DOCK1: variants seen among roughly 807,000 people sequenced by gnomAD.
The protein encoded by DOCK1 is dedicator of cytokinesis 1, also known as dedicator of cytokinesis protein 1.
Under a neutral mutation model 262.7 loss-of-function variants are expected in DOCK1, and 138 were observed. The ratio of observed to expected loss-of-function variants is 0.53; its 90% CI spans 0.46 to 0.61. The LOEUF is 0.61. Ranked by LOEUF, DOCK1 falls within the 20% of genes least tolerant of loss-of-function variation. The pLI, the probability that DOCK1 is intolerant of heterozygous loss-of-function variation, is 0.00. For synonymous variants in DOCK1, 866 were observed against 867.4 expected, an observed-to-expected ratio of 1.00 and a Z score of 0.03; for missense variants, 1,908 against 2,370.7, an observed-to-expected ratio of 0.80 and a Z score of 4.05.
chr10:127,228,075 C>G (rs889457424), intron 27 of DOCK1, among the ~76,000 whole-genome samples: 1 of 152,148 alleles, frequency 6.6e-6, no homozygotes, highest in African/African-American at 2.4e-5. Context: ...CTTATAATTG[C>G]TATTTGTTAA....
intron 21 of DOCK1, among the ~76,000 whole-genome samples, chr10:127,044,701 T>C (rs1262087551): frequency 6.6e-6 from 1 of 152,130 alleles, no homozygotes; most frequent in East Asian, 1.9e-4. Context: ...TTTCAGAAGA[T>C]GAGAGGCATG....
chr10:127,127,930 G>T, intron 27 of DOCK1, 166 bp downstream of exon 27: 1 of 469,038 alleles, frequency 2.1e-6, no homozygotes. Flanking sequence ...AAGTTGAAGG[G>T]TAAGCAAACC....
At chr10:127,186,899 G>T (rs2056325625) in intron 27 of DOCK1, among the ~76,000 whole-genome samples, 1 of 152,132 alleles carries the variant, frequency 6.6e-6, no homozygotes, top group Admixed American at 6.5e-5. Context: ...GGGGATGTGT[G>T]CTGGAACATA....
At chr10:126,916,111 C>T (rs1191719536) in intron 1 of DOCK1, among the ~76,000 whole-genome samples, 1 of 152,126 alleles carries the variant, frequency 6.6e-6, no homozygotes, top group Non-Finnish European at 1.5e-5. Flanking sequence ...TTCCTGGGTA[C>T]AGCACTTAAC....
At chr10:127,266,533 A>G (rs1295837997) in intron 29 of DOCK1, among the ~76,000 whole-genome samples, 1 of 151,678 alleles carries the variant, frequency 6.6e-6, no homozygotes, top group African/African-American at 2.4e-5. Flanking sequence ...CTGACTATAC[A>G]TTTTGCTTTG....
intron 23 of DOCK1, among the ~76,000 whole-genome samples, chr10:127,102,942 C>T (rs929105020): frequency 8.5e-5 from 13 of 152,224 alleles, no homozygotes; most frequent in African/African-American, 3.1e-4. Flanking sequence ...ACGGGAGGGC[C>T]CCTGAGCCCC....
intron 27 of DOCK1, among the ~76,000 whole-genome samples, chr10:127,170,916 A>G (rs1052926193): frequency 1.2e-4 from 18 of 152,204 alleles, no homozygotes; most frequent in African/African-American, 4.3e-4. Flanking sequence ...ATTTTAGTGA[A>G]TTGCCCCAGT....
In DOCK1 at chr10:127,012,832, T is replaced by C. The variant is rs74161522; in HGVS notation, c.1201+458T>C. ...TTTTAATCCTGCACTGACACGTTTC[T>C]GAGCAGCTGACCTGCTGCTGGCAGA... On this transcript the variant is annotated intron_variant, in intron 12 of 51. Transcript: ENST00000623213. The surrounding 1 kb of genome is among the most constrained non-coding windows in gnomAD (Gnocchi z 4.0). 0.047 allele frequency among the ~76,000 whole-genome samples: 7,194 copies of C among 152,280 alleles called. 568 individuals carry two copies. Among genetic ancestry groups the C allele is most frequent in the African/African-American group, 0.16 (6,688 of 41,536 alleles).
chr10:127,268,838 A>C (rs566887900), intron 29 of DOCK1, among the ~76,000 whole-genome samples: 7 of 152,116 alleles, frequency 4.6e-5, no homozygotes, highest in Non-Finnish European at 8.8e-5. Flanking sequence ...ATGAATGTAC[A>C]TGCCAGGGCT....
chr10:127,426,595 A>G (rs1242448167), intron 47 of DOCK1, among the ~76,000 whole-genome samples: 1 of 152,194 alleles, frequency 6.6e-6, no homozygotes, highest in East Asian at 1.9e-4. Context: ...TCAAGAAGAC[A>G]CTGCCTGGGG....
intron 10 of DOCK1, 169 bp downstream of exon 10, chr10:127,000,476 C>A: frequency 9.7e-7 from 1 of 1,026,872 alleles, no homozygotes; most frequent in Non-Finnish European, 1.4e-6. Flanking sequence ...TCAAGTTGAC[C>A]TGCTAGGCTC....
intron 1 of DOCK1, among the ~76,000 whole-genome samples, chr10:126,948,124 G>GGTA (rs2035717074): frequency 1.6e-5 from 1 of 61,612 alleles, no homozygotes; most frequent in Non-Finnish European, 3.4e-5. Context: ...TGATGGTGGT[G>GGTA]GTTGGTAGTA....
rs1265876073 is a variant in DOCK1, at chr10:127,384,717, G to A, written c.3808-73G>A. ...ACCGCGGCCCACACGCGTGTCCGAT[G>A]CGAAGCTCACACCATTCTGACGTCC... On this transcript the variant is annotated intron_variant, in intron 37 of 51. Coordinates refer to ENST00000623213, the MANE Select transcript of DOCK1 (RefSeq NM_001290223.2). The A allele has an allele frequency of 7.6e-6, 11 of 1,453,128 alleles. No individual in the cohort carries two copies. The African/African-American group carries it at 1.1e-4, about 15-fold the overall frequency. The allele number at this position is 1,453,128 out of a possible 1,614,324, so 90.0% of individuals were successfully genotyped here. A position where few individuals can be genotyped will look rare whatever the true frequency, so the allele number is the denominator to read the frequency against.
intron 27 of DOCK1, among the ~76,000 whole-genome samples, chr10:127,133,540 G>A (rs1403104163): frequency 6.6e-6 from 1 of 152,084 alleles, no homozygotes; most frequent in Non-Finnish European, 1.5e-5. Context: ...TTTCTTTGGG[G>A]CAGCTACAGC....
intron 27 of DOCK1, among the ~76,000 whole-genome samples, chr10:127,159,469 C>G (rs551809143): frequency 3.0e-4 from 46 of 152,186 alleles, no homozygotes; most frequent in Non-Finnish European, 5.7e-4. Context: ...TACTTGTATA[C>G]TTACAAGTAT....
At chr10:127,200,308 A>C (rs576679211) in intron 27 of DOCK1, among the ~76,000 whole-genome samples, 1 of 152,360 alleles carries the variant, frequency 6.6e-6, no homozygotes, top group East Asian at 1.9e-4. Context: ...CGTCCAGCCT[A>C]GGTACAATAC....
At chr10:127,433,933 AG>A (rs1181757079) in intron 48 of DOCK1, among the ~76,000 whole-genome samples, 2 of 151,986 alleles carry the variant, frequency 1.3e-5, no homozygotes, top group African/African-American at 4.8e-5. Flanking sequence ...GGCTCAGGGA[AG>A]CCAAAAGATT....
chr10:126,955,651 C>T (rs1455981773), intron 1 of DOCK1, among the ~76,000 whole-genome samples: 1 of 152,086 alleles, frequency 6.6e-6, no homozygotes, highest in African/African-American at 2.4e-5. Context: ...GGCAGAGTAG[C>T]TCTGTGTGCA....
At chr10:127,027,323 C>T (rs953021554) in intron 16 of DOCK1, among the ~76,000 whole-genome samples, 2 of 152,146 alleles carry the variant, frequency 1.3e-5, no homozygotes, top group Admixed American at 1.3e-4. Context: ...TGGCTGGTGC[C>T]GTGGCTCACA....
Sources: allele counts gnomAD v4.1 joint callset (sites outside exome capture counted in the v4.1 genomes callset), GRCh38; gene constraint gnomAD v4.1.1; non-coding constraint Gnocchi (gnomAD v3.1); transcripts MANE v1.5; gene names NCBI Gene and HGNC (gene_info 2026-07-23, HGNC 2026-07-21).